MAP3K15: variants seen among roughly 807,000 people sequenced by gnomAD.
The protein encoded by MAP3K15 is MAPK/ERK kinase kinase 15.
A neutral mutation model predicts 99.5 loss-of-function variants in MAP3K15; 124 were observed. The ratio of observed to expected loss-of-function variants is 1.25; its 90% CI spans 1.08 to 1.45. The LOEUF is 1.45. MAP3K15 is among the 40% of genes most tolerant of loss of function. MAP3K15 has a pLI of 0.00. For missense variants in MAP3K15, 1,242 were observed against 1,079.7 expected (o/e 1.15, Z -2.11); for synonymous variants, 494 against 439.6 (o/e 1.12, Z -1.55).
intron 1 of MAP3K15, among the ~76,000 whole-genome samples, chrX:19,502,927 G>A (rs759515506): frequency 8.9e-6 from 1 of 111,907 alleles, no homozygotes; most frequent in Admixed American, 9.6e-5. Flanking sequence ...CCAGGATACA[G>A]TAGCCTCTAG....
At chrX:19,512,128 T>A (rs1043987120) in intron 1 of MAP3K15, among the ~76,000 whole-genome samples, 3 of 110,339 alleles carry the variant, frequency 2.7e-5, no homozygotes, top group African/African-American at 9.9e-5. Flanking sequence ...TGAGAACCCA[T>A]GGACACAGGG....
intron 3 of MAP3K15, among the ~76,000 whole-genome samples, chrX:19,485,473 C>T (rs2064318221): frequency 9.1e-6 from 1 of 110,199 alleles, no homozygotes; most frequent in African/African-American, 3.3e-5. Flanking sequence ...CCTTATCTTA[C>T]AGGCCTGCTT....
chrX:19,366,006 C>CAAAAA (rs1172350617), intron 25 of MAP3K15, among the ~76,000 whole-genome samples: 32 of 20,079 alleles, frequency 1.6e-3, no homozygotes, highest in Non-Finnish European at 2.5e-3. Context: ...GCCTCCATCT[C>CAAAAA]AAAAAAAAAA....
intron 3 of MAP3K15, among the ~76,000 whole-genome samples, chrX:19,465,191 G>A (rs1226181234): frequency 1.8e-5 from 2 of 111,181 alleles, no homozygotes; most frequent in African/African-American, 6.5e-5. Flanking sequence ...ACCATATCTG[G>A]CCTAAATTTC....
At position 19,415,258 on chromosome X, in the gene MAP3K15, C is replaced by A. The variant is rs200041074; in HGVS notation, c.1440-1G>T. Reference sequence around the variant, plus strand: ...GTTCTGAACTAATGATCGCAGGTACCTGGAAAAATCACAAACAGCAATATA... The same window carrying A: ...GTTCTGAACTAATGATCGCAGGTACATGGAAAAATCACAAACAGCAATATA... On this transcript the variant is annotated splice_acceptor_variant, in intron 9 of 28. Transcript: ENST00000338883. LOFTEE classifies it high-confidence loss of function. 871 of 1,160,558 alleles carry A rather than the reference C, an allele frequency of 7.5e-4. No individual in the cohort carries two copies. The highest frequency in any genetic ancestry group is 1.6e-3 in the Middle Eastern group (7 of 4,257).
At chrX:19,374,693 G>C (rs1436941748) in intron 19 of MAP3K15, 33 bp from the exon 20 acceptor site, 12 of 1,161,956 alleles carry the variant, frequency 1.0e-5, no homozygotes, top group Non-Finnish European at 1.4e-5. Context: ...CGATGTGTCA[G>C]TGAGGCCTTG....
intron 3 of MAP3K15, among the ~76,000 whole-genome samples, chrX:19,476,461 A>G (rs916460725): frequency 2.7e-5 from 3 of 112,218 alleles, no homozygotes; most frequent in Non-Finnish European, 5.6e-5. Context: ...CAGGTATGAC[A>G]AAGTTAATTT....
At position 19,362,659 on chromosome X, in the gene MAP3K15, G is replaced by T. The variant is rs144970937; in HGVS notation, c.3679+79C>A. 4 of 607,266 alleles carry T rather than the reference G, an allele frequency of 6.6e-6. No homozygotes were observed. The East Asian group carries it at 1.0e-4, about 15-fold the overall frequency. The allele number at this position is 607,266 out of a possible 1,213,427, so 50.0% of individuals were successfully genotyped here. On this transcript the variant is annotated intron_variant, in intron 26 of 28. Coordinates refer to ENST00000338883, the MANE Select transcript of MAP3K15 (RefSeq NM_001001671.4). The stretch of plus-strand genomic sequence containing the variant: ...CTACTGGAGTCCTGGATTAACAGAA[G>T]ATAACCTCAAATGTTTCTTCAAAGC...
Position 19,415,124 on chromosome X carries a change from T to TA in MAP3K15, c.1572dup (p.Asn525Ter). The stretch of plus-strand genomic sequence containing the variant: ...TATCTTACTGGAAATCTGAGTCCAT[T>TA]AGTGACTTCATTTGTTGCCTCAAAA... On this transcript the variant is annotated frameshift_variant, in exon 10 of 29. Transcript: ENST00000338883. LOFTEE classifies it high-confidence loss of function. 2 of 1,168,217 alleles carry TA rather than the reference T, an allele frequency of 1.7e-6. No individual in the cohort carries two copies. The highest frequency in any genetic ancestry group is 2.3e-6 in the Non-Finnish European group (2 of 879,923).
At chrX:19,487,899 C>T (rs1289138127) in intron 2 of MAP3K15, among the ~76,000 whole-genome samples, 2 of 111,029 alleles carry the variant, frequency 1.8e-5, no homozygotes, top group Non-Finnish European at 3.8e-5. Context: ...ACTCTCCAAA[C>T]CATTGGTTCT....
At chrX:19,490,560 C>A (rs1330148506) in intron 1 of MAP3K15, among the ~76,000 whole-genome samples, 1 of 110,023 alleles carries the variant, frequency 9.1e-6, no homozygotes, top group Non-Finnish European at 1.9e-5. Context: ...CCAGCCTGGA[C>A]AACATGGCGA....
intron 6 of MAP3K15, among the ~76,000 whole-genome samples, chrX:19,432,548 C>T (rs1420248051): frequency 1.1e-5 from 1 of 93,855 alleles, no homozygotes; most frequent in Non-Finnish European, 2.1e-5. Flanking sequence ...GAGTGAGACT[C>T]TGTCTCAACA....
intron 5 of MAP3K15, among the ~76,000 whole-genome samples, chrX:19,459,460 C>A (rs1361767502): frequency 8.9e-6 from 1 of 112,381 alleles, no homozygotes; most frequent in Admixed American, 9.4e-5. Flanking sequence ...GGAGTGGTCA[C>A]ACCAGCCCCG....
At position 19,371,474 on chromosome X, in the gene MAP3K15, C is replaced by A. The variant is rs1206694409; in HGVS notation, c.3165G>T (p.Leu1055=). ...VGHIKQIIGI[L]RDFIRSPEHR... ...GCTCTGGGGAGCGGATGAAGTCCCTCAGGATCCCAATGATTTGCTTGATGT... is the reference window on the plus strand; with the variant it reads ...GCTCTGGGGAGCGGATGAAGTCCCTAAGGATCCCAATGATTTGCTTGATGT... Residue 1055 remains leucine, a synonymous_variant, in exon 23 of 29, where the codon CTG becomes CTT. Coordinates refer to ENST00000338883, the MANE Select transcript of MAP3K15 (RefSeq NM_001001671.4). 1 of 1,210,635 alleles carries A rather than the reference C, an allele frequency of 8.3e-7. No homozygotes were observed. The highest frequency in any genetic ancestry group is 1.8e-5 in the South Asian group (1 of 56,886).
intron 3 of MAP3K15, among the ~76,000 whole-genome samples, chrX:19,480,784 C>A (rs1308114238): frequency 9.6e-6 from 1 of 104,525 alleles, no homozygotes; most frequent in African/African-American, 3.5e-5. Flanking sequence ...GGAGCCTGTG[C>A]ACTCCAGCCT....
At position 19,361,528 on chromosome X, in the gene MAP3K15, G is replaced by A. The variant is rs763826263; in HGVS notation, c.3745C>T (p.Arg1249Trp). 37 of 1,209,653 alleles carry A rather than the reference G, an allele frequency of 3.1e-5. No homozygotes were observed. Among genetic ancestry groups the A allele is most frequent in the Admixed American group, 1.7e-4 (8 of 45,807 alleles). The change falls in exon 27 of 29, where the codon CGG (arginine) becomes TGG (tryptophan). Residue 1249 changes from arginine to tryptophan, a missense_variant. By Grantham distance (101) the Arg-to-Trp change is moderately radical. Coordinates refer to ENST00000338883, the MANE Select transcript of MAP3K15 (RefSeq NM_001001671.4). ...GTCTTTGCATCAGCTCCTTGCAGCC[G>A]CAACCAGTCTATAAGCTCTTTATCT... ...RTDKELIDWL[R>W]LQGADAKTIE...
chrX:19,509,927 C>A (rs1019072317), intron 1 of MAP3K15, among the ~76,000 whole-genome samples: 1 of 111,540 alleles, frequency 9.0e-6, no homozygotes, highest in Non-Finnish European at 1.9e-5. Context: ...CCACTGATCC[C>A]ATGGAAATAC....
rs765707440 is a variant in MAP3K15, at chrX:19,457,799, C to T, written c.889-780G>A. On this transcript the variant is annotated intron_variant, in intron 5 of 28. Transcript: ENST00000338883. ...CCTTGGGACTAGTGACGTTTCTGGA[C>T]CATAATTCTCTGTTGTGGGAGCTGT... 8.1e-5 allele frequency among the ~76,000 whole-genome samples: 9 copies of T among 111,279 alleles called. No homozygotes were observed. The East Asian group carries it at 2.5e-3, about 31-fold the overall frequency.
At chrX:19,475,200 G>A (rs1038858884) in intron 3 of MAP3K15, among the ~76,000 whole-genome samples, 3 of 110,746 alleles carry the variant, frequency 2.7e-5, no homozygotes, top group Non-Finnish European at 5.7e-5. Flanking sequence ...GAGATCATCA[G>A]GCATGAGTTT....
Sources: gnomAD v4.1 joint callset for allele counts (sites outside exome capture counted in the v4.1 genomes callset) on GRCh38, gnomAD v4.1.1 for gene constraint, MANE v1.5 for transcripts, NCBI Gene and HGNC (gene_info 2026-07-23, HGNC 2026-07-21) for gene names.